TNNI3K: variants seen among roughly 807,000 people sequenced by gnomAD.
TNNI3K encodes TNNI3 interacting kinase, also known as serine/threonine-protein kinase TNNI3K.
In TNNI3K, 140 loss-of-function variants were observed where a neutral mutation model predicts 114.5. The observed-to-expected ratio is 1.22, with a 90% CI of 1.07 to 1.41. The LOEUF (loss-of-function observed/expected upper bound fraction) is 1.41. Among genes scored for constraint, TNNI3K ranks in the 40% most tolerant of loss-of-function variants. The pLI is 0.00. For missense variants in TNNI3K, 1,125 were observed against 1,007.6 expected (o/e 1.12, Z -1.58); for synonymous variants, 347 against 347.5 (o/e 1.00, Z 0.02).
At chr1:74,540,606 T>TAA (rs5775242) in intron 24 of TNNI3K, among the ~76,000 whole-genome samples, 3 of 147,310 alleles carry the variant, frequency 2.0e-5, no homozygotes, top group Admixed American at 6.7e-5. Context: ...ACTCTTTTTT[T>TAA]AAAAAAAAAA....
At position 74,348,642 on chromosome 1, in the gene TNNI3K, C is replaced by A. The variant is rs528365617; in HGVS notation, c.933-4624C>A. Among the ~76,000 whole-genome samples, 6 of 152,204 alleles carry A rather than the reference C, an allele frequency of 3.9e-5. No individual in the cohort carries two copies. The South Asian group carries it at 1.2e-3, about 32-fold the overall frequency. On this transcript the variant is annotated intron_variant, in intron 9 of 24. Transcript: ENST00000326637. ...TTCCTACCCATGAGCATGGAATATT[C>A]TTCCATTTCTTTGTATCCTCTTTTA...
At chr1:74,332,976 A>AAAAAAGAG (rs57556485) in intron 6 of TNNI3K, among the ~76,000 whole-genome samples, 109 of 90,748 alleles carry the variant, frequency 1.2e-3, no homozygotes, top group Non-Finnish European at 1.9e-3. Flanking sequence ...AAAAAAAAAA[A>AAAAAAGAG]AGAGAGAGAC....
intron 19 of TNNI3K, chr1:74,439,034 T>G (rs1301645416): frequency 6.6e-6 from 1 of 152,344 alleles, no homozygotes; most frequent in East Asian, 1.9e-4. Context: ...CCTGAAGACT[T>G]GAAGGAGGTG....
At chr1:74,362,652 T>C (rs1662029516) in intron 11 of TNNI3K, among the ~76,000 whole-genome samples, 2 of 152,292 alleles carry the variant, frequency 1.3e-5, no homozygotes, top group South Asian at 4.1e-4. Flanking sequence ...GATGTAGATA[T>C]TAAACTGTCT....
At chr1:74,368,635 G>A (rs72966907) in intron 13 of TNNI3K, among the ~76,000 whole-genome samples, 61 of 151,912 alleles carry the variant, frequency 4.0e-4, no homozygotes, top group African/African-American at 1.4e-3. Context: ...TGGACTCCAG[G>A]GTTGCCATGT....
At position 74,370,357 on chromosome 1, in the gene TNNI3K, C is replaced by T; in HGVS notation, c.1737C>T (p.Asn579=). ...CCAAAGGCATGGAGTACCTTCACAA[C>T]CTGACACAGCCAATTATACATCGTG... ...DVAKGMEYLH[N]LTQPIIHRDL... The change falls in exon 17 of 25, where the codon AAC becomes AAT. Residue 579 remains asparagine (N), a synonymous_variant. Coordinates refer to ENST00000326637, the MANE Select transcript of TNNI3K (RefSeq NM_015978.3). The T allele has an allele frequency of 6.2e-7, 1 of 1,607,602 alleles. No individual in the cohort carries two copies. Among genetic ancestry groups the T allele is most frequent in the Non-Finnish European group, 8.5e-7 (1 of 1,176,106 alleles).
At chr1:74,442,251 T>C (rs1666406811) in intron 20 of TNNI3K, among the ~76,000 whole-genome samples, 1 of 152,018 alleles carries the variant, frequency 6.6e-6, no homozygotes, top group African/African-American at 2.4e-5. Flanking sequence ...ATTATTTTGG[T>C]ACATTTTTCA....
intron 5 of TNNI3K, among the ~76,000 whole-genome samples, chr1:74,321,044 A>G (rs1659584358): frequency 6.6e-6 from 1 of 152,162 alleles, no homozygotes; most frequent in African/African-American, 2.4e-5. Flanking sequence ...AATGTAGTGA[A>G]AACTGTGGGG....
In TNNI3K at chr1:74,246,543, A is replaced by G. The variant is rs901540577; in HGVS notation, c.150-2916A>G. ...TCGGCTTTTCTTCCCTGGTCTTTCT[A>G]TTGTCCAGCAAATGAAACACACTAT... On this transcript the variant is annotated intron_variant, in intron 2 of 24. Transcript: ENST00000326637. Among the ~76,000 whole-genome samples, 5 of 152,166 alleles carry G rather than the reference A, an allele frequency of 3.3e-5. No homozygotes were observed. The East Asian group carries it at 5.8e-4, about 18-fold the overall frequency.
chr1:74,529,874 C>A (rs1228744174), intron 23 of TNNI3K, among the ~76,000 whole-genome samples: 1 of 151,306 alleles, frequency 6.6e-6, no homozygotes, highest in Non-Finnish European at 1.5e-5. Flanking sequence ...CCTTGTGAAC[C>A]AGGGCTTGTT....
At chr1:74,422,230 T>C (rs1178682169) in intron 17 of TNNI3K, among the ~76,000 whole-genome samples, 1 of 152,010 alleles carries the variant, frequency 6.6e-6, no homozygotes, top group African/African-American at 2.4e-5. Flanking sequence ...AAAGTGAAGG[T>C]ATATGTGTAT....
Position 74,399,996 on chromosome 1 carries a change from C to A in TNNI3K, c.1772+29604C>A, listed in dbSNP as rs148380207. ...GCTATTGGGGAAAGCCCTGTGCTGG[C>A]TGGAATGAGGTCTAGTGGACCACCC... On this transcript the variant is annotated intron_variant, in intron 17 of 24. Transcript: ENST00000326637. 4.7e-3 allele frequency among the ~76,000 whole-genome samples: 717 copies of A among 152,300 alleles called. 4 individuals carry two copies. The highest frequency in any genetic ancestry group is 0.016 in the African/African-American group (663 of 41,560).
intron 23 of TNNI3K, among the ~76,000 whole-genome samples, chr1:74,526,945 A>G (rs556909454): frequency 3.6e-4 from 55 of 152,350 alleles, no homozygotes; most frequent in African/African-American, 1.3e-3. Flanking sequence ...TTGCACTGAA[A>G]CAGCAGAGTT....
At chr1:74,473,293 TC>T (rs2100742378) in intron 21 of TNNI3K, among the ~76,000 whole-genome samples, 1 of 152,202 alleles carries the variant, frequency 6.6e-6, no homozygotes, top group African/African-American at 2.4e-5. Context: ...TAGTCACACA[TC>T]AGCTAAGTGT....
At chr1:74,299,722 T>A (rs1658201130) in intron 5 of TNNI3K, among the ~76,000 whole-genome samples, 1 of 152,080 alleles carries the variant, frequency 6.6e-6, no homozygotes, top group African/African-American at 2.4e-5. Flanking sequence ...AGAAGCATCA[T>A]GGTGTATGTA....
chr1:74,479,380 A>G (rs1668363503), intron 21 of TNNI3K, among the ~76,000 whole-genome samples: 1 of 152,268 alleles, frequency 6.6e-6, no homozygotes, highest in African/African-American at 2.4e-5. Context: ...TACAAAAAAT[A>G]TATAAAGAAT....
chr1:74,288,915 A>T (rs1191459153), intron 5 of TNNI3K, among the ~76,000 whole-genome samples: 1 of 152,026 alleles, frequency 6.6e-6, no homozygotes, highest in Non-Finnish European at 1.5e-5. Context: ...GTTATACCTC[A>T]ATAAAGGTGG....
intron 4 of TNNI3K, among the ~76,000 whole-genome samples, chr1:74,264,996 T>C (rs755531348): frequency 2.0e-5 from 3 of 152,010 alleles, no homozygotes; most frequent in East Asian, 3.9e-4. Context: ...TCAGGGCTGA[T>C]ACATGAAAGA....
At chr1:74,376,494 C>T (rs1321340456) in intron 17 of TNNI3K, 3 of 151,930 alleles carry the variant, frequency 2.0e-5, no homozygotes, top group Non-Finnish European at 4.4e-5. Flanking sequence ...GATTATATTA[C>T]CATACTTATA....
Sources: gnomAD v4.1 joint callset for allele counts (sites outside exome capture counted in the v4.1 genomes callset) on GRCh38, gnomAD v4.1.1 for gene constraint, MANE v1.5 for transcripts, NCBI Gene and HGNC (gene_info 2026-07-23, HGNC 2026-07-21) for gene names.